The following IFT172 variants were observed in gnomAD, a reference collection of about 807,000 sequenced individuals.
The protein encoded by IFT172 is intraflagellar transport 172, also known as intraflagellar transport protein 172 homolog.
IFT172 carries 164 observed loss-of-function variants against 248.9 expected under a neutral mutation model. The observed-to-expected ratio is 0.66, with a 90% CI of 0.58 to 0.75. IFT172 has a LOEUF of 0.75. IFT172 is among the 30% of genes least tolerant of loss of function. The probability of loss-of-function intolerance (pLI) is 0.00; values close to 1 mark genes in which losing one functional copy is unlikely to be tolerated. For synonymous variants in IFT172, 729 were observed against 791.6 expected (o/e 0.92, Z 1.33); for missense variants, 1,950 against 2,192.4 (o/e 0.89, Z 2.21).
In IFT172 at chr2:27,484,277, A is replaced by G. The variant is rs1668589390; in HGVS notation, c.297-11T>C. 2.5e-6 allele frequency: 4 copies of G among 1,613,606 alleles called. No homozygotes were observed. The highest frequency in any genetic ancestry group is 2.7e-5 in the African/African-American group (2 of 75,014). On this transcript the variant is annotated splice_polypyrimidine_tract_variant and intron_variant, in intron 3 of 47. Coordinates refer to ENST00000260570, the MANE Select transcript of IFT172 (RefSeq NM_015662.3). ...ACTTTCTTGTCACCCCTGCCAAACAAAAGAAGGGGAAACATATTAAAAACC... is the reference window on the plus strand; with the variant it reads ...ACTTTCTTGTCACCCCTGCCAAACAGAAGAAGGGGAAACATATTAAAAACC...
intron 14 of IFT172, 30 bp downstream of exon 14, chr2:27,476,610 GT>G (rs773026222): frequency 2.3e-6 from 3 of 1,300,824 alleles, no homozygotes; most frequent in Non-Finnish European, 3.3e-6. Flanking sequence ...CATCTATTTT[GT>G]TATTAAAATT....
chr2:27,449,118 G>C, intron 39 of IFT172, 87 bp from the exon 40 acceptor site: 1 of 1,071,220 alleles, frequency 9.3e-7, no homozygotes, highest in Non-Finnish European at 1.5e-6. Flanking sequence ...TATTTGTTGA[G>C]GGGAAAAAGG....
In IFT172 at chr2:27,479,652, G is replaced by C. The variant is rs766353624; in HGVS notation, c.910-48C>G. 2.6e-6 allele frequency: 3 copies of C among 1,155,244 alleles called. No homozygotes were observed. In the South Asian group the frequency reaches 3.7e-5, roughly 14 times the overall value. 71.6% of individuals were successfully genotyped at this position (1,155,244 alleles called of 1,614,324 possible). ...AAAAGGTCACACACATAGTACACTG[G>C]CATGGGGAGAGTATCTAGAGACATC... On this transcript the variant is annotated intron_variant, in intron 9 of 47. Transcript: ENST00000260570.
chr2:27,488,902 C>T (rs1011285737), intron 1 of IFT172, among the ~76,000 whole-genome samples: 2 of 152,190 alleles, frequency 1.3e-5, no homozygotes, highest in African/African-American at 4.8e-5. Flanking sequence ...ATTACCCGGG[C>T]GTGCTAGCGC....
chr2:27,464,530 G>A (rs1167122266), intron 18 of IFT172, among the ~76,000 whole-genome samples: 2 of 152,058 alleles, frequency 1.3e-5, no homozygotes, highest in Non-Finnish European at 2.9e-5. Context: ...CATATGCATA[G>A]ATTGAAGGGT....
At chr2:27,459,877 C>T in intron 23 of IFT172, 48 bp from the exon 24 acceptor site, 1 of 1,599,188 alleles carries the variant, frequency 6.3e-7, no homozygotes, top group Non-Finnish European at 8.5e-7. Context: ...AGGGATGGGC[C>T]TCAGGAAAAA....
intron 13 of IFT172, 25 bp downstream of exon 13, chr2:27,477,192 G>C: frequency 6.3e-7 from 1 of 1,575,952 alleles, no homozygotes; most frequent in South Asian, 1.1e-5. Flanking sequence ...GGGTTTCAGG[G>C]ATTCAGAGAA....
At chr2:27,484,197 T>C in intron 4 of IFT172, 30 bp downstream of exon 4, 1 of 1,613,808 alleles carries the variant, frequency 6.2e-7, no homozygotes, top group Non-Finnish European at 8.5e-7. Flanking sequence ...TTGTTCATCC[T>C]AAGGTTCCAG....
intron 25 of IFT172, 68 bp from the exon 26 acceptor site, chr2:27,458,936 G>C (rs1666410755): frequency 6.5e-7 from 1 of 1,546,342 alleles, no homozygotes. Context: ...AATGAGGAAA[G>C]AACAAACCTT....
In IFT172 at chr2:27,455,536, G is replaced by A. The variant is rs200175387; in HGVS notation, c.3372-876C>T. The A allele has an allele frequency of 4.9e-5, 10 of 203,180 alleles. No individual in the cohort carries two copies. In the East Asian group the frequency reaches 1.7e-3, roughly 35 times the overall value. The allele number at this position is 203,180 out of a possible 1,614,324, so 12.6% of individuals were successfully genotyped here. ...AGCCTGGCTAACAGGGTGAAACCCT[G>A]TCTCTACTAAAAAAGTACAAAAAAA... On this transcript the variant is annotated intron_variant, in intron 30 of 47. Transcript: ENST00000260570.
chr2:27,447,606 G>A lies in IFT172; in HGVS notation c.4568C>T (p.Ala1523Val). 3 of 1,614,130 alleles carry A rather than the reference G, an allele frequency of 1.9e-6. No homozygotes were observed. Among genetic ancestry groups the A allele is most frequent in the Non-Finnish European group, 1.7e-6 (2 of 1,180,036 alleles). ...GAACTCCTCATGGGCTGGAGAGTTT[G>A]CCTCACTGGACTTCACCAGGTTTTC... ...LCENLVKSSE[A>V]NSPAHEEFKT... The change falls in exon 42 of 48, where the codon GCA becomes GTA. Residue 1523 changes from alanine to valine, a missense_variant. By Grantham distance (64) the Ala-to-Val change is moderately conservative. This residue lies in a region of IFT172 where 620 missense variants were observed against 699.0 expected (regional missense o/e 0.89). Transcript: ENST00000260570.
intron 11 of IFT172, 85 bp from the exon 12 acceptor site, chr2:27,477,697 G>T (rs1184933118): frequency 5.0e-6 from 5 of 1,007,402 alleles, no homozygotes; most frequent in Non-Finnish European, 7.9e-6. Flanking sequence ...GTTGGGAAGT[G>T]GAAAGATATA....
chr2:27,462,839 T>C lies in IFT172; in HGVS notation c.2023-46A>G, dbSNP rs973721115. ...TCTGATTTTTCTGTAGGTGCTGCCA[T>C]TCTGTCTGTGAGGGCTGAAATTGGA... On this transcript the variant is annotated intron_variant, in intron 19 of 47. Coordinates refer to ENST00000260570, the MANE Select transcript of IFT172 (RefSeq NM_015662.3). The C allele has an allele frequency of 3.2e-6, 5 of 1,581,656 alleles. No homozygotes were observed. In the African/African-American group the frequency reaches 6.7e-5, roughly 21 times the overall value.
rs367657817 is a variant in IFT172, at chr2:27,483,675, T to C, written c.403-16A>G. On this transcript the variant is annotated splice_polypyrimidine_tract_variant and intron_variant, in intron 5 of 47. Coordinates refer to ENST00000260570, the MANE Select transcript of IFT172 (RefSeq NM_015662.3). ...CTAAACGAACCTGAAAATGGAAAAA[T>C]TGATACAAGTATGGTTAGGCTATTT... The C allele has an allele frequency of 1.2e-5, 20 of 1,612,542 alleles. No homozygotes were observed. Among genetic ancestry groups the C allele is most frequent in the Admixed American group, 3.3e-5 (2 of 59,950 alleles).
At chr2:27,452,642 T>C (rs1046047088) in intron 35 of IFT172, among the ~76,000 whole-genome samples, 4 of 152,180 alleles carry the variant, frequency 2.6e-5, no homozygotes, top group African/African-American at 9.7e-5. Flanking sequence ...GTACAGCACA[T>C]TTCTGTACTG....
At chr2:27,447,276 G>C (rs1665224162) in intron 42 of IFT172, among the ~76,000 whole-genome samples, 1 of 152,218 alleles carries the variant, frequency 6.6e-6, no homozygotes, top group African/African-American at 2.4e-5. Flanking sequence ...AGAAATCATG[G>C]GATTTGGATG....
In IFT172 at chr2:27,465,784, G is replaced by C. The variant is rs747273253; in HGVS notation, c.1791C>G (p.Ile597Met). Residue 597 changes from isoleucine (I) to methionine (M), a missense_variant, in exon 17 of 48, where the codon ATC becomes ATG. Around this residue, in one of 3 missense-constraint regions of IFT172, gnomAD observed 1,166 missense variants for 1,254.1 expected, o/e 0.93. Coordinates refer to ENST00000260570, the MANE Select transcript of IFT172 (RefSeq NM_015662.3). ...CATCATCAATGGCTGTTCCAAACTC[G>C]ATGAGGCCCTCATCCAATGTGTAGG... Reference protein sequence around the residue: ...TVAYTLDEGLIEFGTAIDDGN... With the variant: ...TVAYTLDEGLMEFGTAIDDGN... 4 of 1,614,016 alleles carry C rather than the reference G, an allele frequency of 2.5e-6. No homozygotes were observed. The South Asian group carries it at 3.3e-5, about 13-fold the overall frequency.
Position 27,454,171 on chromosome 2 carries a change from A to G in IFT172, c.3531-9T>C. 6.2e-7 allele frequency: 1 copy of G among 1,609,786 alleles called. No individual in the cohort carries two copies. The highest frequency in any genetic ancestry group is 8.5e-7 in the Non-Finnish European group (1 of 1,177,476). Reference sequence around the variant, plus strand: ...CCTGGTTATGGACAAACCTGCCTCCAGGTGGGGACAGAGGAGAGACTGAGT... The same window carrying G: ...CCTGGTTATGGACAAACCTGCCTCCGGGTGGGGACAGAGGAGAGACTGAGT... On this transcript the variant is annotated splice_polypyrimidine_tract_variant and intron_variant, in intron 32 of 47. Transcript: ENST00000260570. This position sits in a 1 kb window ranked among gnomAD's most constrained non-coding sequence, Gnocchi z 4.2.
chr2:27,475,782 T>C (rs1451302240), intron 14 of IFT172, among the ~76,000 whole-genome samples: 1 of 151,958 alleles, frequency 6.6e-6, no homozygotes, highest in African/African-American at 2.4e-5. Context: ...CCATTCTTTT[T>C]TTTTTTTAAA....
Sources: allele counts gnomAD v4.1 joint callset (sites outside exome capture counted in the v4.1 genomes callset), GRCh38; gene constraint gnomAD v4.1.1; regional missense constraint gnomAD v4.1.1; non-coding constraint Gnocchi (gnomAD v3.1); transcripts MANE v1.5; gene names NCBI Gene and HGNC (gene_info 2026-07-23, HGNC 2026-07-21).